The following GSDMC variants were observed in gnomAD, a reference collection of about 807,000 sequenced individuals.
GSDMC encodes gasdermin C.
In GSDMC, 59 loss-of-function variants were observed where a neutral mutation model predicts 58.0. That is an observed-to-expected ratio of 1.02 (90% confidence interval 0.82 to 1.26). The LOEUF (loss-of-function observed/expected upper bound fraction) is 1.26, where lower values mean the gene tolerates loss of function less well. Ranked by LOEUF, GSDMC falls within the 50% of genes most tolerant of loss-of-function variation. The probability of loss-of-function intolerance (pLI) is 0.00; values close to 1 mark genes in which losing one functional copy is unlikely to be tolerated. For synonymous variants in GSDMC, 241 were observed against 220.2 expected, an observed-to-expected ratio of 1.09 and a Z score of -0.83; for missense variants, 659 against 598.5, an observed-to-expected ratio of 1.10 and a Z score of -1.06.
chr8:129,753,786 C>T (rs942596370), intron 6 of GSDMC, among the ~76,000 whole-genome samples: 2 of 152,132 alleles, frequency 1.3e-5, no homozygotes, highest in East Asian at 1.9e-4. Flanking sequence ...AGGGTGAGAC[C>T]CAGGCCAGAC....
At chr8:129,730,389 T>C in the GSDMC span, 202 of 1,230,024 alleles carry the variant, frequency 1.6e-4, 1 homozygote, top group South Asian at 2.7e-3. Context: ...TGTACAGTCA[T>C]TGAAGAAATA....
chr8:129,752,610 A>G, intron 7 of GSDMC, 88 bp downstream of exon 7: 3 of 1,541,498 alleles, frequency 1.9e-6, no homozygotes, highest in Non-Finnish European at 2.6e-6. Context: ...TGGTTCATAC[A>G]CCCCACATAA....
In GSDMC at chr8:129,748,740, C is replaced by T. The variant is rs1437191534; in HGVS notation, c.1288G>A (p.Val430Ile). The change falls in exon 14 of 14, where the codon GTA becomes ATA. Residue 430 changes from valine (V) to isoleucine (I), a missense_variant and splice_region_variant. Transcript: ENST00000276708. Reference protein sequence around the residue: ...KRILLQQQELVRSILEPNFRY... With the variant: ...KRILLQQQELIRSILEPNFRY... ...AAGTTTGGCTCCAGGATGCTCCTTACCTAGAAGAAAGATGATCAGGTTCTA... is the reference window on the plus strand; with the variant it reads ...AAGTTTGGCTCCAGGATGCTCCTTATCTAGAAGAAAGATGATCAGGTTCTA... 1 of 1,513,114 alleles carries T rather than the reference C, an allele frequency of 6.6e-7. No homozygotes were observed. The highest frequency in any genetic ancestry group is 2.4e-5 in the East Asian group (1 of 41,366). 93.7% of individuals were successfully genotyped at this position (1,513,114 alleles called of 1,614,324 possible). A position where few individuals can be genotyped will look rare whatever the true frequency, so the allele number is the denominator to read the frequency against.
the GSDMC span, among the ~76,000 whole-genome samples, chr8:129,728,154 G>T: frequency 0.33 from 50,507 of 151,890 alleles, 12,368 homozygotes; most frequent in African/African-American, 0.67. Context: ...TCAGAGCACC[G>T]GCTTGCCCAG....
chr8:129,725,566 ATTC>A, the GSDMC span, among the ~76,000 whole-genome samples: 7 of 152,178 alleles, frequency 4.6e-5, no homozygotes, highest in African/African-American at 1.4e-4. Context: ...AGAAAATCAT[ATTC>A]TTCTCTTCTT....
In GSDMC at chr8:129,762,679, T is replaced by C; in HGVS notation, c.623A>G (p.Gln208Arg). ...LRVKKKALTL[Q>R]KGMVMAYKRK... The stretch of plus-strand genomic sequence containing the variant: ...CTTATAAGCCATCACCATGCCTTTC[T>C]GAAGAGTCAGCGCCTTCTTCTTCAC... The change falls in exon 5 of 14, where the codon CAG becomes CGG. Residue 208 changes from glutamine to arginine, a missense_variant. Coordinates refer to ENST00000276708, the MANE Select transcript of GSDMC (RefSeq NM_031415.3). 6.2e-7 allele frequency: 1 copy of C among 1,614,036 alleles called. No individual in the cohort carries two copies. Among genetic ancestry groups the C allele is most frequent in the Non-Finnish European group, 8.5e-7 (1 of 1,179,892 alleles).
chr8:129,777,352 C>A lies in GSDMC; in HGVS notation c.220+16G>T. The A allele has an allele frequency of 6.5e-7, 1 of 1,531,544 alleles. No homozygotes were observed. The highest frequency in any genetic ancestry group is 9.0e-7 in the Non-Finnish European group (1 of 1,105,084). 94.9% of individuals were successfully genotyped at this position (1,531,544 alleles called of 1,614,324 possible). A position where few individuals can be genotyped will look rare whatever the true frequency, so the allele number is the denominator to read the frequency against. On this transcript the variant is annotated intron_variant, in intron 2 of 13. Coordinates refer to ENST00000276708, the MANE Select transcript of GSDMC (RefSeq NM_031415.3). The stretch of plus-strand genomic sequence containing the variant: ...GTTTTTCACCCCTCACCTCCTTGGC[C>A]TCTGGCTGACAATACCTAGGACTGA...
intron 6 of GSDMC, among the ~76,000 whole-genome samples, chr8:129,759,029 AAC>A (rs2033554502): frequency 6.6e-6 from 1 of 152,170 alleles, no homozygotes; most frequent in Non-Finnish European, 1.5e-5. Context: ...TAACCAAAGG[AAC>A]AAAATAGAGA....
intron 1 of GSDMC, 101 bp from the exon 2 acceptor site, chr8:129,777,692 G>A (rs558093987): frequency 4.0e-5 from 28 of 699,834 alleles, no homozygotes; most frequent in South Asian, 3.6e-4. Flanking sequence ...ATCTACATAT[G>A]AGATTAGCAG....
At chr8:129,781,503 T>C (rs965506635) in intron 1 of GSDMC, among the ~76,000 whole-genome samples, 1 of 152,092 alleles carries the variant, frequency 6.6e-6, no homozygotes, top group African/African-American at 2.4e-5. Flanking sequence ...CCAGCATTTT[T>C]GGAGGCCGAG....
intron 1 of GSDMC, among the ~76,000 whole-genome samples, chr8:129,780,887 C>T (rs1207706969): frequency 6.6e-6 from 1 of 152,030 alleles, no homozygotes; most frequent in Non-Finnish European, 1.5e-5. Flanking sequence ...AGATAAAAAG[C>T]AGAAGACAAA....
intron 6 of GSDMC, among the ~76,000 whole-genome samples, chr8:129,754,098 A>T (rs1284613209): frequency 6.6e-6 from 1 of 152,196 alleles, no homozygotes; most frequent in East Asian, 1.9e-4. Flanking sequence ...GAAGTGAAAA[A>T]ATCTCACTGG....
chr8:129,746,252 T>C (rs1014723792), downstream of GSDMC, among the ~76,000 whole-genome samples: 8 of 152,084 alleles, frequency 5.3e-5, no homozygotes, highest in African/African-American at 1.9e-4. Flanking sequence ...GCTGCAAAGA[T>C]ACAACAACAG....
chr8:129,751,595 C>T (rs1246865792), intron 9 of GSDMC, 27 bp from the exon 10 acceptor site: 3 of 1,609,280 alleles, frequency 1.9e-6, no homozygotes, highest in South Asian at 2.2e-5. Flanking sequence ...GTCATCATCT[C>T]ACTTCCTCAT....
the GSDMC span, among the ~76,000 whole-genome samples, chr8:129,740,454 T>C: frequency 6.6e-6 from 1 of 152,312 alleles, no homozygotes; most frequent in South Asian, 2.1e-4. Flanking sequence ...TTTTATACTT[T>C]ATTTTTACTG....
At chr8:129,723,869 T>G in the GSDMC span, among the ~76,000 whole-genome samples, 1 of 152,200 alleles carries the variant, frequency 6.6e-6, no homozygotes, top group Admixed American at 6.5e-5. Context: ...GCTGAAAGTA[T>G]TTTTACTTTT....
chr8:129,749,653 G>A (rs750775313), intron 12 of GSDMC, 128 bp from the exon 13 acceptor site: 10 of 728,430 alleles, frequency 1.4e-5, no homozygotes, highest in South Asian at 1.1e-4. Context: ...AGACTTGAAG[G>A]TCAAGCTCCC....
the GSDMC span, among the ~76,000 whole-genome samples, chr8:129,707,512 G>A: frequency 6.6e-6 from 1 of 152,020 alleles, no homozygotes; most frequent in East Asian, 1.9e-4. Context: ...ATTGTGCCAT[G>A]CCAGTTTTAA....
chr8:129,730,804 C>G, the GSDMC span, among the ~76,000 whole-genome samples: 1 of 152,148 alleles, frequency 6.6e-6, no homozygotes, highest in Non-Finnish European at 1.5e-5. Context: ...TCCTAAGGAG[C>G]TCCTCAGCTT....
Sources: gnomAD v4.1 joint callset for allele counts (sites outside exome capture counted in the v4.1 genomes callset) on GRCh38, gnomAD v4.1.1 for gene constraint, MANE v1.5 for transcripts, NCBI Gene and HGNC (gene_info 2026-07-23, HGNC 2026-07-21) for gene names.